Variants in GALNTL5 observed in about 807,000 individuals in gnomAD.
The protein encoded by GALNTL5 is inactive polypeptide N-acetylgalactosaminyltransferase-like protein 5.
GALNTL5 carries 44 observed loss-of-function variants against 51.0 expected under a neutral mutation model. The observed-to-expected ratio is 0.86, with a 90% CI of 0.68 to 1.11. The LOEUF is 1.11. GALNTL5 is among the 50% of genes least tolerant of loss of function. GALNTL5 has a pLI of 0.00. For missense variants in GALNTL5, 528 were observed against 531.8 expected (o/e 0.99, Z 0.07); for synonymous variants, 192 against 182.8 (o/e 1.05, Z -0.41).
chr7:151,976,687 G>T (rs1414305893), intron 3 of GALNTL5, among the ~76,000 whole-genome samples: 1 of 151,808 alleles, frequency 6.6e-6, no homozygotes, highest in African/African-American at 2.4e-5. Flanking sequence ...TATATTTTTT[G>T]AGATGGAATC....
intron 3 of GALNTL5, among the ~76,000 whole-genome samples, chr7:151,980,094 A>G (rs1320220343): frequency 2.0e-5 from 3 of 151,830 alleles, no homozygotes; most frequent in Non-Finnish European, 4.4e-5. Context: ...TTACTGGAAT[A>G]TTTTTTTGAG....
intron 3 of GALNTL5, among the ~76,000 whole-genome samples, chr7:151,978,421 T>C (rs146316962): frequency 1.3e-5 from 2 of 152,258 alleles, no homozygotes; most frequent in Non-Finnish European, 2.9e-5. Flanking sequence ...CCACTCAAAA[T>C]ACAGCCTGAA....
chr7:151,974,516 G>A (rs563349993), intron 3 of GALNTL5, among the ~76,000 whole-genome samples: 5 of 152,292 alleles, frequency 3.3e-5, no homozygotes, highest in South Asian at 2.1e-4. Context: ...TGTGTGCAAC[G>A]CAAACATTTG....
At chr7:151,992,947 T>C (rs113265901) in intron 5 of GALNTL5, among the ~76,000 whole-genome samples, 1,776 of 152,192 alleles carry the variant, frequency 0.012, 36 homozygotes, top group African/African-American at 0.04. Context: ...TGTTCAAAAG[T>C]AAGATGCGGA....
chr7:152,012,785 G>A (rs2081754583), intron 7 of GALNTL5, among the ~76,000 whole-genome samples: 1 of 152,138 alleles, frequency 6.6e-6, no homozygotes, highest in Admixed American at 6.5e-5. Context: ...TGGCCAACAT[G>A]GTGAAACCCC....
chr7:152,010,621 A>G (rs534971176), intron 7 of GALNTL5, among the ~76,000 whole-genome samples: 2 of 152,170 alleles, frequency 1.3e-5, no homozygotes, highest in African/African-American at 4.8e-5. Flanking sequence ...TACAAAAATT[A>G]GCTGGGCATG....
chr7:152,008,346 A>G (rs560334200), intron 7 of GALNTL5, among the ~76,000 whole-genome samples: 1 of 151,836 alleles, frequency 6.6e-6, no homozygotes, highest in East Asian at 2.0e-4. Flanking sequence ...CTCCCAAAGC[A>G]CTGAGATTAC....
At chr7:151,988,549 C>T (rs1274119130) in intron 5 of GALNTL5, among the ~76,000 whole-genome samples, 3 of 152,080 alleles carry the variant, frequency 2.0e-5, no homozygotes, top group African/African-American at 7.2e-5. Context: ...TGGACACATT[C>T]TCTTATTTAA....
chr7:151,988,053 G>C (rs902052929), intron 5 of GALNTL5, among the ~76,000 whole-genome samples: 6 of 152,202 alleles, frequency 3.9e-5, no homozygotes, highest in Non-Finnish European at 5.9e-5. Flanking sequence ...CCCTGCAGCA[G>C]GTTCTTGTGA....
chr7:151,989,299 C>T (rs969343538), intron 5 of GALNTL5, among the ~76,000 whole-genome samples: 4 of 151,610 alleles, frequency 2.6e-5, no homozygotes, highest in Middle Eastern at 3.4e-3. Context: ...TATAGGTGGG[C>T]GCCACCACAC....
chr7:151,980,416 G>A (rs7799395), intron 3 of GALNTL5, among the ~76,000 whole-genome samples: 118,346 of 152,080 alleles, frequency 0.78, 46,129 homozygotes, highest in Middle Eastern at 0.91. Flanking sequence ...GCACAGCCGC[G>A]TTTTCCCACT....
At chr7:151,957,825 G>T (rs1213847255) in intron 1 of GALNTL5, 5 of 151,974 alleles carry the variant, frequency 3.3e-5, no homozygotes, top group Admixed American at 3.3e-4. Context: ...AACTGAACAT[G>T]GTTTTCTTCT....
intron 5 of GALNTL5, among the ~76,000 whole-genome samples, chr7:152,002,433 A>G (rs2081592093): frequency 6.6e-6 from 1 of 152,214 alleles, no homozygotes; most frequent in African/African-American, 2.4e-5. Flanking sequence ...ATTTTTTAAA[A>G]TGGAAATCCA....
intron 6 of GALNTL5, 81 bp from the exon 7 acceptor site, chr7:152,007,746 T>C: frequency 2.3e-6 from 2 of 861,092 alleles, no homozygotes; most frequent in Non-Finnish European, 2.0e-6. Context: ...TATAAGTTAT[T>C]ACTAATTTAA....
At chr7:151,964,702 A>G (rs2081035447) in intron 1 of GALNTL5, among the ~76,000 whole-genome samples, 1 of 152,178 alleles carries the variant, frequency 6.6e-6, no homozygotes, top group Non-Finnish European at 1.5e-5. Context: ...TCCAATCCCA[A>G]AGTGAGATGC....
intron 3 of GALNTL5, among the ~76,000 whole-genome samples, chr7:151,972,216 G>A (rs996424481): frequency 6.6e-6 from 1 of 152,220 alleles, no homozygotes; most frequent in Non-Finnish European, 1.5e-5. Flanking sequence ...AGTCCAGGCT[G>A]AGGTGGTCTC....
At chr7:151,991,539 A>C (rs1201021243) in intron 5 of GALNTL5, among the ~76,000 whole-genome samples, 1 of 152,136 alleles carries the variant, frequency 6.6e-6, no homozygotes, top group African/African-American at 2.4e-5. Flanking sequence ...GTTTTCCCAC[A>C]CCGTTCATTG....
chr7:151,970,646 A>G, intron 2 of GALNTL5: 1 of 228,670 alleles, frequency 4.4e-6, no homozygotes, highest in Non-Finnish European at 8.6e-6. Context: ...CAAGATTGGA[A>G]GCTTCCTGAG....
In GALNTL5 at chr7:151,965,239, T is replaced by A. The variant is rs552336645; in HGVS notation, c.-39-1969T>A. Among the ~76,000 whole-genome samples, 3 of 152,320 alleles carry A rather than the reference T, an allele frequency of 2.0e-5. No individual in the cohort carries two copies. In the East Asian group the frequency reaches 5.8e-4, roughly 29 times the overall value. ...TGTTTCCACATCAGAGTCCTCTGTC[T>A]TTCCAAATTGTTACCACACGTCCAA... On this transcript the variant is annotated intron_variant, in intron 1 of 8. Coordinates refer to ENST00000392800, the MANE Select transcript of GALNTL5 (RefSeq NM_145292.4).
Sources: gnomAD v4.1 joint callset for allele counts (sites outside exome capture counted in the v4.1 genomes callset) on GRCh38, gnomAD v4.1.1 for gene constraint, MANE v1.5 for transcripts, NCBI Gene and HGNC (gene_info 2026-07-23, HGNC 2026-07-21) for gene names.